The following UPF2 variants were observed in gnomAD, a reference collection of about 807,000 sequenced individuals.
UPF2 encodes UPF2 regulator of nonsense mediated mRNA decay, also known as regulator of nonsense transcripts 2.
Under a neutral mutation model 141.4 loss-of-function variants are expected in UPF2, and 17 were observed. The ratio of observed to expected loss-of-function variants is 0.12; its 90% CI spans 0.08 to 0.18. The LOEUF is 0.18. UPF2 is among the 10% of genes least tolerant of loss of function. The pLI, the probability that UPF2 is intolerant of heterozygous loss-of-function variation, is 1.00. For missense variants in UPF2, 1,152 were observed against 1,515.9 expected (o/e 0.76, Z 3.99); for synonymous variants, 540 against 498.0 (o/e 1.08, Z -1.12).
chr10:11,938,853 G>GGTTTTTTTT (rs1832889411), intron 18 of UPF2, among the ~76,000 whole-genome samples: 5 of 79,816 alleles, frequency 6.3e-5, no homozygotes, highest in Non-Finnish European at 9.4e-5. Context: ...TTTTTTTTTT[G>GGTTTTTTTT]TTTTTTTTTT....
chr10:11,969,505 A>G (rs1018946119), intron 9 of UPF2, among the ~76,000 whole-genome samples: 2 of 152,058 alleles, frequency 1.3e-5, no homozygotes, highest in Non-Finnish European at 2.9e-5. Flanking sequence ...TAAGCATACA[A>G]AATAGTTTTG....
chr10:11,937,713 A>G (rs1832872045), intron 18 of UPF2, among the ~76,000 whole-genome samples: 1 of 152,144 alleles, frequency 6.6e-6, no homozygotes, highest in Non-Finnish European at 1.5e-5. Context: ...AAGGCCCTCA[A>G]TGTCTTAGAA....
chr10:12,013,477 G>A (rs1834166845), intron 4 of UPF2, among the ~76,000 whole-genome samples: 1 of 151,962 alleles, frequency 6.6e-6, no homozygotes, highest in African/African-American at 2.4e-5. Flanking sequence ...GCGTTTCAAT[G>A]TTGGTCAGGC....
At chr10:12,040,396 T>C (rs1036609682) in intron 1 of UPF2, among the ~76,000 whole-genome samples, 4 of 152,176 alleles carry the variant, frequency 2.6e-5, no homozygotes, top group Middle Eastern at 3.4e-3. Context: ...CACTCCAGCC[T>C]GGCGACAAAG....
Position 12,035,174 on chromosome 10 carries a change from C to G in UPF2, c.250G>C (p.Glu84Gln), listed in dbSNP as rs1021298892. The change falls in exon 2 of 22, where the codon GAA becomes CAA. Residue 84 changes from glutamate (E) to glutamine (Q), a missense_variant. Transcript: ENST00000357604. ...KKDEEKVKAEEESKKKEEEEK... is the reference protein window; with the variant it reads ...KKDEEKVKAEQESKKKEEEEK... Reference sequence around the variant, plus strand: ...TCCTCTTCTTTTTTCTTTGATTCTTCCTCTGCCTTCACCTTTTCTTCGTCT... The same window carrying G: ...TCCTCTTCTTTTTTCTTTGATTCTTGCTCTGCCTTCACCTTTTCTTCGTCT... 6.2e-7 allele frequency: 1 copy of G among 1,611,400 alleles called. No homozygotes were observed. Among genetic ancestry groups the G allele is most frequent in the African/African-American group, 1.3e-5 (1 of 74,662 alleles).
At position 11,957,080 on chromosome 10, in the gene UPF2, A is replaced by G. The variant is rs528060286; in HGVS notation, c.2371-557T>C. 2.0e-5 allele frequency among the ~76,000 whole-genome samples: 3 copies of G among 151,632 alleles called. No individual in the cohort carries two copies. The East Asian group carries it at 5.9e-4, about 30-fold the overall frequency. The stretch of plus-strand genomic sequence containing the variant: ...AGTAATCCCTGTGCCTTGGCCTCCC[A>G]AAGTGCTGGGATTACAGGCATGAGC... On this transcript the variant is annotated intron_variant, in intron 12 of 21. Transcript: ENST00000357604.
At position 11,964,051 on chromosome 10, in the gene UPF2, A is replaced by G; in HGVS notation, c.2142T>C (p.Leu714=). The part of the protein sequence containing the change: ...CTLLETCGRF[L]FRSPESHLRT... ...TCAGGTGAGATTCTGGAGATCTGAA[A>G]AGAAACCGTCCACATGTCTCCAGCA... Residue 714 remains leucine (L), a synonymous_variant, in exon 11 of 22, where the codon CTT becomes CTC. Transcript: ENST00000357604. The G allele has an allele frequency of 6.2e-7, 1 of 1,614,006 alleles. No individual in the cohort carries two copies. The highest frequency in any genetic ancestry group is 8.5e-7 in the Non-Finnish European group (1 of 1,179,932).
At chr10:12,012,213 C>A (rs1834140170) in intron 4 of UPF2, among the ~76,000 whole-genome samples, 1 of 151,228 alleles carries the variant, frequency 6.6e-6, no homozygotes, top group South Asian at 2.1e-4. Flanking sequence ...CAGGCGCACA[C>A]CACCATGCCC....
At position 12,016,596 on chromosome 10, in the gene UPF2, A is replaced by G. The variant is rs901999985; in HGVS notation, c.1146-2412T>C. On this transcript the variant is annotated intron_variant, in intron 3 of 21. Transcript: ENST00000357604. This position sits in a 1 kb window ranked among gnomAD's most constrained non-coding sequence, Gnocchi z 4.1. Reference sequence around the variant, plus strand: ...GTAATCCCAGCTACTTGGGAGGCTAAGCCAGGAGAATCACTTGAACCCGGG... The same window carrying G: ...GTAATCCCAGCTACTTGGGAGGCTAGGCCAGGAGAATCACTTGAACCCGGG... 9.2e-5 allele frequency among the ~76,000 whole-genome samples: 14 copies of G among 152,080 alleles called. No homozygotes were observed.
chr10:12,042,262 G>GC lies in UPF2; in HGVS notation c.-19+492dup, dbSNP rs1834749128. On this transcript the variant is annotated intron_variant, in intron 1 of 21. Coordinates refer to ENST00000357604, the MANE Select transcript of UPF2 (RefSeq NM_015542.4). The surrounding 1 kb of genome is among the most constrained non-coding windows in gnomAD (Gnocchi z 5.5). ...ACGGTCACCTTCGCGGACCATCGCT[G>GC]CCCCAACCCCAACTTCTCGCCCCAC... Among the ~76,000 whole-genome samples the GC allele has an allele frequency of 6.6e-6, 1 of 151,292 alleles. No homozygotes were observed. Among genetic ancestry groups the GC allele is most frequent in the Non-Finnish European group, 1.5e-5 (1 of 67,906 alleles).
chr10:12,029,822 C>T (rs1009095777), intron 2 of UPF2, among the ~76,000 whole-genome samples: 1 of 151,910 alleles, frequency 6.6e-6, no homozygotes, highest in African/African-American at 2.4e-5. Flanking sequence ...ATTAGCTGGG[C>T]GTGATGGCGC....
chr10:11,956,582 T>G lies in UPF2; in HGVS notation c.2371-59A>C. On this transcript the variant is annotated intron_variant, in intron 12 of 21. Transcript: ENST00000357604. The surrounding 1 kb of genome is among the most constrained non-coding windows in gnomAD (Gnocchi z 4.2). The stretch of plus-strand genomic sequence containing the variant: ...ATAAGTACACAGTAGCCTGACCAAA[T>G]AATACAGAAATTTTGCTATGATTGC... The G allele has an allele frequency of 6.6e-7, 1 of 1,516,248 alleles. No homozygotes were observed. 93.9% of individuals were successfully genotyped at this position (1,516,248 alleles called of 1,614,324 possible).
chr10:12,011,001 A>C (rs551470666), intron 4 of UPF2, among the ~76,000 whole-genome samples: 4 of 152,252 alleles, frequency 2.6e-5, no homozygotes, highest in African/African-American at 9.6e-5. Context: ...TTTTTTTAAG[A>C]GATAGAGTCT....
chr10:11,958,038 A>G (rs1390215073), intron 12 of UPF2, among the ~76,000 whole-genome samples: 1 of 152,088 alleles, frequency 6.6e-6, no homozygotes, highest in African/African-American at 2.4e-5. Context: ...GTACATAGGA[A>G]AGTGTCTGGC....
At chr10:11,924,240 C>A (rs914589726) in intron 21 of UPF2, among the ~76,000 whole-genome samples, 1 of 152,114 alleles carries the variant, frequency 6.6e-6, no homozygotes, top group Non-Finnish European at 1.5e-5. Flanking sequence ...AGAAAATATA[C>A]AAATACAAAT....
intron 1 of UPF2, among the ~76,000 whole-genome samples, chr10:12,037,175 C>T (rs75263722): frequency 1.8e-4 from 27 of 152,074 alleles, no homozygotes; most frequent in Admixed American, 3.3e-4. Flanking sequence ...GTCTCGACCT[C>T]GCAGGCTCAA....
At chr10:11,950,706 C>T (rs1484957774) in intron 15 of UPF2, among the ~76,000 whole-genome samples, 1 of 152,024 alleles carries the variant, frequency 6.6e-6, no homozygotes, top group African/African-American at 2.4e-5. Flanking sequence ...TCCAAGGATC[C>T]AAAGCAAGTG....
At chr10:11,952,847 A>C (rs1376720893) in intron 14 of UPF2, among the ~76,000 whole-genome samples, 1 of 152,048 alleles carries the variant, frequency 6.6e-6, no homozygotes, top group Non-Finnish European at 1.5e-5. Context: ...TACCAAATAA[A>C]TTTTTAGGTA....
intron 9 of UPF2, among the ~76,000 whole-genome samples, chr10:11,970,870 G>T (rs2131213396): frequency 6.6e-6 from 1 of 151,520 alleles, no homozygotes; most frequent in African/African-American, 2.4e-5. Context: ...AGTCTTTAGG[G>T]TCAGTAGGGT....
Sources: gnomAD v4.1 joint callset for allele counts (sites outside exome capture counted in the v4.1 genomes callset) on GRCh38, gnomAD v4.1.1 for gene constraint, Gnocchi (gnomAD v3.1) non-coding constraint, MANE v1.5 for transcripts, NCBI Gene and HGNC (gene_info 2026-07-23, HGNC 2026-07-21) for gene names.